SEMA5A: variants seen among roughly 807,000 people sequenced by gnomAD.
SEMA5A encodes the protein semaphorin 5A.
SEMA5A carries 55 observed loss-of-function variants against 135.5 expected under a neutral mutation model. The observed-to-expected ratio is 0.41, with a 90% CI of 0.33 to 0.51. SEMA5A has a LOEUF of 0.51. Ranked by LOEUF, SEMA5A falls within the 20% of genes least tolerant of loss-of-function variation. The probability of loss-of-function intolerance (pLI) is 0.37; values close to 1 mark genes in which losing one functional copy is unlikely to be tolerated. For missense variants in SEMA5A, 1,290 were observed against 1,419.9 expected (o/e 0.91, Z 1.47); for synonymous variants, 580 against 546.5 (o/e 1.06, Z -0.85).
chr5:9,186,211 A>G (rs1744800897), intron 11 of SEMA5A, among the ~76,000 whole-genome samples: 1 of 152,130 alleles, frequency 6.6e-6, no homozygotes, highest in Non-Finnish European at 1.5e-5. Flanking sequence ...ACACCAGGAG[A>G]GATACAGGGC....
chr5:9,165,583 T>C (rs554452142), intron 11 of SEMA5A, among the ~76,000 whole-genome samples: 33 of 152,228 alleles, frequency 2.2e-4, no homozygotes, highest in Non-Finnish European at 4.1e-4. Context: ...CCTGGGAAGC[T>C]AAATTAGTTT....
intron 1 of SEMA5A, among the ~76,000 whole-genome samples, chr5:9,453,894 G>A (rs1758738181): frequency 6.6e-6 from 1 of 152,200 alleles, no homozygotes; most frequent in African/African-American, 2.4e-5. Flanking sequence ...CCAACCTGAA[G>A]GACTGTGTAA....
intron 12 of SEMA5A, among the ~76,000 whole-genome samples, chr5:9,141,550 C>T (rs1345915204): frequency 1.3e-5 from 2 of 151,922 alleles, no homozygotes; most frequent in Admixed American, 6.6e-5. Context: ...AGTCAGAATC[C>T]GAAGGTTTAA....
rs766437756 is a variant in SEMA5A at position 9,474,030 on chromosome 5, T to C, written c.-174-36178A>G. ...CATATGGGGCATGTAAGATACATCA[T>C]GGACGTCTACCCACAAAAAGCGATG... On this transcript the variant is annotated intron_variant, in intron 1 of 22. Transcript: ENST00000382496. Among the ~76,000 whole-genome samples the C allele has an allele frequency of 5.4e-4, 82 of 152,178 alleles. 1 individual carries two copies. The highest frequency in any genetic ancestry group is 4.9e-4 in the Non-Finnish European group (33 of 68,038).
chr5:9,290,635 A>C (rs56723663), intron 5 of SEMA5A, among the ~76,000 whole-genome samples: 19,961 of 152,142 alleles, frequency 0.13, 1,370 homozygotes, highest in South Asian at 0.2. Flanking sequence ...CTTATATCTT[A>C]AAAAAGGAGA....
Position 9,038,685 on chromosome 5 carries a change from TAGAG to T in SEMA5A, c.*4208_*4211del, listed in dbSNP as rs1735782796. ...TCAATTATACGCTAATGGATCCCCT[TAGAG>T]AGCCACTTGGGGACATAGAGACCCC... is the stretch of plus-strand genomic sequence containing the variant. On this transcript the variant is annotated 3_prime_UTR_variant, in exon 23 of 23. Transcript: ENST00000382496. The T allele has an allele frequency of 6.6e-6, 1 of 151,928 alleles. No homozygotes were observed. The highest frequency in any genetic ancestry group is 2.1e-4 in the South Asian group (1 of 4,806). The allele number at this position is 151,928 out of a possible 1,614,324, so 9.4% of individuals were successfully genotyped here.
At chr5:9,250,323 A>C (rs1748707286) in intron 5 of SEMA5A, among the ~76,000 whole-genome samples, 1 of 152,174 alleles carries the variant, frequency 6.6e-6, no homozygotes, top group African/African-American at 2.4e-5. Context: ...CTACAGTATG[A>C]AACTAATTCC....
intron 1 of SEMA5A, among the ~76,000 whole-genome samples, chr5:9,490,764 C>T (rs1485345593): frequency 6.6e-6 from 1 of 152,216 alleles, no homozygotes; most frequent in African/African-American, 2.4e-5. Flanking sequence ...CTAAGGAAGC[C>T]TGCCCAGGGG....
intron 5 of SEMA5A, chr5:9,280,747 G>A: frequency 2.8e-6 from 1 of 357,702 alleles, no homozygotes; most frequent in Non-Finnish European, 5.6e-6. Context: ...AGTTAACCAG[G>A]CTTGCTAAGA....
At chr5:9,332,587 G>T (rs1753200817) in intron 4 of SEMA5A, among the ~76,000 whole-genome samples, 1 of 151,872 alleles carries the variant, frequency 6.6e-6, no homozygotes, top group South Asian at 2.1e-4. Flanking sequence ...ATTGGGTCAG[G>T]TGTGCAACGT....
At chr5:9,516,298 C>G (rs1367530524) in intron 1 of SEMA5A, among the ~76,000 whole-genome samples, 3 of 152,156 alleles carry the variant, frequency 2.0e-5, no homozygotes, top group Non-Finnish European at 4.4e-5. Flanking sequence ...ACACCACACA[C>G]ACACCTGCTG....
intron 8 of SEMA5A, among the ~76,000 whole-genome samples, chr5:9,212,167 A>G: frequency 6.6e-6 from 1 of 152,226 alleles, no homozygotes; most frequent in East Asian, 1.9e-4. Flanking sequence ...AAAACTCACA[A>G]ACTCAATTTG....
At chr5:9,099,293 G>A (rs1308694918) in intron 16 of SEMA5A, among the ~76,000 whole-genome samples, 1 of 152,116 alleles carries the variant, frequency 6.6e-6, no homozygotes, top group Admixed American at 6.5e-5. Context: ...AAAAGCTTAA[G>A]CATCCTTTAA....
At chr5:9,277,958 T>C (rs189793940) in intron 5 of SEMA5A, among the ~76,000 whole-genome samples, 1 of 152,040 alleles carries the variant, frequency 6.6e-6, no homozygotes, top group East Asian at 1.9e-4. Flanking sequence ...TAAAGTATAA[T>C]AATAAAAAAG....
At chr5:9,225,208 T>G (rs1219010609) in intron 7 of SEMA5A, among the ~76,000 whole-genome samples, 1 of 151,942 alleles carries the variant, frequency 6.6e-6, no homozygotes, top group Non-Finnish European at 1.5e-5. Flanking sequence ...CTTTTCCACT[T>G]TAATATAAAA....
chr5:9,182,739 T>G (rs1049864283), intron 11 of SEMA5A, among the ~76,000 whole-genome samples: 1 of 151,354 alleles, frequency 6.6e-6, no homozygotes. Context: ...TTTTATACAA[T>G]GGCGGATCCT....
rs1735820165 is a variant in SEMA5A, at chr5:9,039,143, G to GAAGT, written c.*3750_*3753dup. On this transcript the variant is annotated 3_prime_UTR_variant, in exon 23 of 23. Transcript: ENST00000382496. The stretch of plus-strand genomic sequence containing the variant: ...TTCCATCCTTTTGCAGATAAATAAG[G>GAAGT]AAGTAAGTACACCTTTGGCTAAAAC... The GAAGT allele has an allele frequency of 6.6e-6, 1 of 152,258 alleles. No individual in the cohort carries two copies. The highest frequency in any genetic ancestry group is 2.4e-5 in the African/African-American group (1 of 41,452). 9.4% of individuals were successfully genotyped at this position (152,258 alleles called of 1,614,324 possible). A position where few individuals can be genotyped will look rare whatever the true frequency, so the allele number is the denominator to read the frequency against.
chr5:9,249,598 G>A (rs1748666154), intron 5 of SEMA5A, among the ~76,000 whole-genome samples: 1 of 152,148 alleles, frequency 6.6e-6, no homozygotes, highest in African/African-American at 2.4e-5. Context: ...TAGAAGAGTA[G>A]AGGGAAAATT....
In SEMA5A at chr5:9,042,926, T is replaced by A; in HGVS notation, c.3196A>T (p.Thr1066Ser). 1 of 1,613,988 alleles carries A rather than the reference T, an allele frequency of 6.2e-7. No individual in the cohort carries two copies. Among genetic ancestry groups the A allele is most frequent in the South Asian group, 1.1e-5 (1 of 91,080 alleles). Residue 1066 changes from threonine (T) to serine (S), a missense_variant, in exon 23 of 23, where the codon ACA becomes TCA. Physicochemically the swap from Thr to Ser is moderately conservative, Grantham distance 58. This residue lies in a region of SEMA5A where 1,029 missense variants were observed against 1,086.6 expected (regional missense o/e 0.95). Coordinates refer to ENST00000382496, the MANE Select transcript of SEMA5A (RefSeq NM_003966.3). The stretch of plus-strand genomic sequence containing the variant: ...TACTCATCATAATTATTGAGATCTG[T>A]AAAGTAGGCATTAGAATAGGTCTTC... Reference protein sequence around the residue: ...TGKTYSNAYFTDLNNYDEY With the variant: ...TGKTYSNAYFSDLNNYDEY
Sources: gnomAD v4.1 joint callset for allele counts (sites outside exome capture counted in the v4.1 genomes callset) on GRCh38, gnomAD v4.1.1 for gene constraint, gnomAD v4.1.1 regional missense constraint, MANE v1.5 for transcripts, NCBI Gene and HGNC (gene_info 2026-07-23, HGNC 2026-07-21) for gene names.